The following SEMA5A variants were observed in gnomAD, a reference collection of about 807,000 sequenced individuals.
SEMA5A encodes the protein semaphorin 5A.
SEMA5A carries 55 observed loss-of-function variants against 135.5 expected under a neutral mutation model. That is an observed-to-expected ratio of 0.41 (90% CI 0.33 to 0.51). SEMA5A has a LOEUF of 0.51. Ranked by LOEUF, SEMA5A falls within the 20% of genes least tolerant of loss-of-function variation. SEMA5A has a pLI of 0.37. For missense variants in SEMA5A, 1,290 were observed against 1,419.9 expected (o/e 0.91, Z 1.47); for synonymous variants, 580 against 546.5 (o/e 1.06, Z -0.85).
chr5:9,491,573 G>C (rs760780645), intron 1 of SEMA5A, among the ~76,000 whole-genome samples: 1 of 152,034 alleles, frequency 6.6e-6, no homozygotes, highest in Non-Finnish European at 1.5e-5. Context: ...GTTTATAACA[G>C]GCAATAAATA....
chr5:9,208,839 G>T (rs754348667), intron 8 of SEMA5A, among the ~76,000 whole-genome samples: 1 of 152,128 alleles, frequency 6.6e-6, no homozygotes, highest in African/African-American at 2.4e-5. Flanking sequence ...GTGGGATGGG[G>T]TAGGAAGTTG....
chr5:9,089,287 T>A (rs1738902857), intron 16 of SEMA5A, among the ~76,000 whole-genome samples: 1 of 152,224 alleles, frequency 6.6e-6, no homozygotes, highest in Non-Finnish European at 1.5e-5. Flanking sequence ...TAATGTTTCA[T>A]AACTTTTGTT....
intron 16 of SEMA5A, among the ~76,000 whole-genome samples, chr5:9,103,322 A>C (rs909245097): frequency 1.3e-5 from 2 of 152,174 alleles, no homozygotes; most frequent in Non-Finnish European, 2.9e-5. Context: ...CATTATTTTC[A>C]TGTGTCACAA....
intron 1 of SEMA5A, among the ~76,000 whole-genome samples, chr5:9,492,105 C>A (rs1029504211): frequency 6.6e-6 from 1 of 152,134 alleles, no homozygotes; most frequent in African/African-American, 2.4e-5. Flanking sequence ...CTTGGAACTG[C>A]GGACCCATCA....
intron 11 of SEMA5A, among the ~76,000 whole-genome samples, chr5:9,173,010 G>A (rs988028212): frequency 2.0e-5 from 3 of 152,156 alleles, no homozygotes; most frequent in African/African-American, 7.2e-5. Flanking sequence ...CTGGTGATAA[G>A]TGTTCTCTTG....
At chr5:9,536,923 A>C (rs529787546) in intron 1 of SEMA5A, among the ~76,000 whole-genome samples, 1 of 152,318 alleles carries the variant, frequency 6.6e-6, no homozygotes, top group East Asian at 1.9e-4. Context: ...AAGGCATTGG[A>C]CATGGGCACC....
chr5:9,364,106 T>C lies in SEMA5A; in HGVS notation c.124+15717A>G, dbSNP rs554758389. On this transcript the variant is annotated intron_variant, in intron 3 of 22. Coordinates refer to ENST00000382496, the MANE Select transcript of SEMA5A (RefSeq NM_003966.3). Reference sequence around the variant, plus strand: ...TTCACTATAATCTTCCCACTCTTTCTTTCCTTGCTAAGTTAATTTTTCTTA... The same window carrying C: ...TTCACTATAATCTTCCCACTCTTTCCTTCCTTGCTAAGTTAATTTTTCTTA... 1.6e-3 allele frequency among the ~76,000 whole-genome samples: 246 copies of C among 152,350 alleles called. 1 individual carries two copies. Among genetic ancestry groups the C allele is most frequent in the Admixed American group, 5.8e-3 (89 of 15,304 alleles).
intron 8 of SEMA5A, among the ~76,000 whole-genome samples, chr5:9,215,627 T>C (rs1746576639): frequency 6.6e-6 from 1 of 152,064 alleles, no homozygotes; most frequent in African/African-American, 2.4e-5. Flanking sequence ...ACTTGGAGAG[T>C]GCATGGCCAT....
chr5:9,483,135 C>T (rs1223678451), intron 1 of SEMA5A, among the ~76,000 whole-genome samples: 1 of 152,058 alleles, frequency 6.6e-6, no homozygotes, highest in African/African-American at 2.4e-5. Context: ...AAGATTTTCA[C>T]CTTCTCATTC....
At chr5:9,417,266 A>AT (rs1010052621) in intron 2 of SEMA5A, among the ~76,000 whole-genome samples, 8 of 152,198 alleles carry the variant, frequency 5.3e-5, no homozygotes, top group African/African-American at 1.9e-4. Flanking sequence ...TTTCCAAAGG[A>AT]TTTTTTTAGT....
chr5:9,059,376 C>A, intron 18 of SEMA5A, among the ~76,000 whole-genome samples: 1 of 151,834 alleles, frequency 6.6e-6, no homozygotes, highest in East Asian at 1.9e-4. Flanking sequence ...TCAATGCTGG[C>A]GTAAATTATG....
chr5:9,499,722 T>C lies in SEMA5A; in HGVS notation c.-175+45862A>G, dbSNP rs372040199. Among the ~76,000 whole-genome samples the C allele has an allele frequency of 9.8e-4, 150 of 152,292 alleles. 4 individuals are homozygous for C. In the South Asian group the frequency reaches 0.03, roughly 30 times the overall value. ...GGATACTACAGCAATAGCAGATAAATAACAAAACCACAACCCCATCTATAC... is the reference window on the plus strand; with the variant it reads ...GGATACTACAGCAATAGCAGATAAACAACAAAACCACAACCCCATCTATAC... On this transcript the variant is annotated intron_variant, in intron 1 of 22. Transcript: ENST00000382496.
chr5:9,108,135 C>T lies in SEMA5A; in HGVS notation c.2073+5G>A. 5 of 1,613,400 alleles carry T rather than the reference C, an allele frequency of 3.1e-6. No homozygotes were observed. The highest frequency in any genetic ancestry group is 4.2e-6 in the Non-Finnish European group (5 of 1,179,610). On this transcript the variant is annotated splice_donor_5th_base_variant and intron_variant, in intron 16 of 22. Transcript: ENST00000382496. Reference sequence around the variant, plus strand: ...TGGGCTGGGTGTGAGAAGAAGGCTACTCACCACATTGCAGCCTGCACAGTC... The same window carrying T: ...TGGGCTGGGTGTGAGAAGAAGGCTATTCACCACATTGCAGCCTGCACAGTC...
intron 15 of SEMA5A, among the ~76,000 whole-genome samples, chr5:9,111,994 A>G (rs1180971768): frequency 6.6e-6 from 1 of 152,210 alleles, no homozygotes; most frequent in Non-Finnish European, 1.5e-5. Flanking sequence ...ATGGGCCAGC[A>G]GTTGGTCCCC....
At chr5:9,323,509 A>T (rs990471652) in intron 4 of SEMA5A, among the ~76,000 whole-genome samples, 4 of 152,182 alleles carry the variant, frequency 2.6e-5, no homozygotes, top group African/African-American at 9.6e-5. Flanking sequence ...AACTCCACTT[A>T]TCAGAACTAT....
At chr5:9,525,444 G>T (rs1033086389) in intron 1 of SEMA5A, among the ~76,000 whole-genome samples, 1 of 152,180 alleles carries the variant, frequency 6.6e-6, no homozygotes, top group Non-Finnish European at 1.5e-5. Context: ...ACTTGAGAAA[G>T]AAGCTGAATT....
At chr5:9,149,805 A>G (rs911710983) in intron 12 of SEMA5A, among the ~76,000 whole-genome samples, 5 of 152,196 alleles carry the variant, frequency 3.3e-5, no homozygotes, top group African/African-American at 4.8e-5. Flanking sequence ...TGATTTCTAG[A>G]CAAGATTATT....
At chr5:9,134,805 T>C (rs1741640532) in intron 13 of SEMA5A, among the ~76,000 whole-genome samples, 1 of 152,218 alleles carries the variant, frequency 6.6e-6, no homozygotes, top group African/African-American at 2.4e-5. Flanking sequence ...TGTATGTCTG[T>C]ACTTTGGAAC....
At chr5:9,159,970 C>G (rs1004080990) in intron 11 of SEMA5A, among the ~76,000 whole-genome samples, 2 of 152,064 alleles carry the variant, frequency 1.3e-5, no homozygotes, top group African/African-American at 4.8e-5. Context: ...CCAAACACCG[C>G]ATGTTCTCAC....
Sources: allele counts gnomAD v4.1 joint callset (sites outside exome capture counted in the v4.1 genomes callset), GRCh38; gene constraint gnomAD v4.1.1; transcripts MANE v1.5; gene names NCBI Gene and HGNC (gene_info 2026-07-23, HGNC 2026-07-21).